Variants in OTOF observed in about 807,000 individuals in gnomAD.
OTOF encodes the protein fer-1-like family member 2.
Under a neutral mutation model 236.8 loss-of-function variants are expected in OTOF, and 218 were observed. The ratio of observed to expected loss-of-function variants is 0.92; its 90% CI spans 0.82 to 1.03. The LOEUF (loss-of-function observed/expected upper bound fraction) is 1.03. OTOF is among the 50% of genes least tolerant of loss of function. The probability of loss-of-function intolerance (pLI) is 0.00; values close to 1 mark genes in which losing one functional copy is unlikely to be tolerated. For synonymous variants in OTOF, 1,041 were observed against 1,072.5 expected (o/e 0.97, Z 0.57); for missense variants, 2,590 against 2,694.4 (o/e 0.96, Z 0.86).
At chr2:26,489,068 C>T (rs1478808465) in intron 11 of OTOF, 143 bp downstream of exon 11, 3 of 711,090 alleles carry the variant, frequency 4.2e-6, no homozygotes, top group African/African-American at 1.7e-5. Context: ...CTCCGCAGGC[C>T]AGATGGCTGT....
At chr2:26,475,612 C>T (rs1277852125) in intron 24 of OTOF, 119 bp from the exon 25 acceptor site, 1 of 1,151,176 alleles carries the variant, frequency 8.7e-7, no homozygotes, top group East Asian at 2.4e-5. Flanking sequence ...TGACAGGTGT[C>T]TTGATTCTTC....
intron 5 of OTOF, among the ~76,000 whole-genome samples, chr2:26,506,367 T>C (rs1208281397): frequency 1.3e-5 from 2 of 152,238 alleles, no homozygotes; most frequent in Non-Finnish European, 2.9e-5. Flanking sequence ...TAGTTAGCCT[T>C]TGCCATTGCA....
chr2:26,486,370 G>A (rs6734714), intron 11 of OTOF, among the ~76,000 whole-genome samples: 72,469 of 149,398 alleles, frequency 0.49, 18,155 homozygotes, highest in East Asian at 0.91. Flanking sequence ...ATATGGATTG[G>A]TGCGTGAATG....
chr2:26,539,651 C>T (rs1667163588), intron 1 of OTOF, among the ~76,000 whole-genome samples: 1 of 152,198 alleles, frequency 6.6e-6, no homozygotes, highest in African/African-American at 2.4e-5. Context: ...AGGAGAATCG[C>T]TTGAACCCAG....
At chr2:26,543,472 C>T (rs899017343) in intron 1 of OTOF, among the ~76,000 whole-genome samples, 10 of 152,144 alleles carry the variant, frequency 6.6e-5, no homozygotes, top group African/African-American at 2.4e-4. Flanking sequence ...TTTACAAGCA[C>T]GAGGGGGCAT....
chr2:26,503,997 T>A (rs891101741), intron 5 of OTOF, 152 bp from the exon 6 acceptor site: 1 of 708,804 alleles, frequency 1.4e-6, no homozygotes, highest in African/African-American at 1.7e-5. Context: ...TCGGGATCTG[T>A]CTTCCCAAAT....
At chr2:26,482,977 G>A (rs1168782601) in intron 13 of OTOF, among the ~76,000 whole-genome samples, 6 of 141,388 alleles carry the variant, frequency 4.2e-5, no homozygotes, top group East Asian at 4.8e-4. Flanking sequence ...GTGGGTATGC[G>A]TGCGTGTGTG....
In OTOF at chr2:26,474,429, C is replaced by G. The variant is rs1228604540; in HGVS notation, c.3288+84G>C. On this transcript the variant is annotated intron_variant, in intron 26 of 46. Coordinates refer to ENST00000272371, the MANE Select transcript of OTOF (RefSeq NM_194248.3). ...CCAGGCCCCAGACCCCAGGCCCCAG[C>G]CTTCAGGGTCCAGCCCCCAGCCCTA... 7 of 1,261,550 alleles carry G rather than the reference C, an allele frequency of 5.5e-6. No individual in the cohort carries two copies. In the Admixed American group the frequency reaches 1.0e-4, roughly 18 times the overall value. The allele number at this position is 1,261,550 out of a possible 1,614,324, so 78.1% of individuals were successfully genotyped here. A position where few individuals can be genotyped will look rare whatever the true frequency, so the allele number is the denominator to read the frequency against.
chr2:26,464,750 G>T, intron 39 of OTOF, 119 bp downstream of exon 39: 2 of 1,008,208 alleles, frequency 2.0e-6, no homozygotes, highest in Non-Finnish European at 1.4e-6. Context: ...ACTAAGACCA[G>T]GTTTAGGCTG....
Position 26,462,960 on chromosome 2 carries a change from C to A in OTOF, c.5192+523G>T, listed in dbSNP as rs1251762366. ...CCGGGTTCTTTTCACTCTACCACCT[C>A]CTGCCTCTTCCAGGCACTCACTCCT... On this transcript the variant is annotated intron_variant, in intron 41 of 46. Coordinates refer to ENST00000272371, the MANE Select transcript of OTOF (RefSeq NM_194248.3). The surrounding 1 kb of genome is among the most constrained non-coding windows in gnomAD (Gnocchi z 4.7). Among the ~76,000 whole-genome samples the A allele has an allele frequency of 6.6e-6, 1 of 152,180 alleles. No individual in the cohort carries two copies. Among genetic ancestry groups the A allele is most frequent in the African/African-American group, 2.4e-5 (1 of 41,438 alleles).
Position 26,484,628 on chromosome 2 carries a change from G to C in OTOF, c.1051C>G (p.Gln351Glu). The change falls in exon 12 of 47, where the codon CAG (glutamine) becomes GAG (glutamate). Residue 351 changes from glutamine (Q) to glutamate (E), a missense_variant. Gln to Glu is a conservative substitution (Grantham distance 29, BLOSUM62 2). Transcript: ENST00000272371. The part of the protein sequence containing the change: ...VGTVYSQPEH[Q>E]FHHKWAILSD... ...AGGATGGCCCACTTGTGATGGAACT[G>C]GTGCTCTGCAATGATGAGGGGTGGG... 6.2e-7 allele frequency: 1 copy of C among 1,613,768 alleles called. No homozygotes were observed. Among genetic ancestry groups the C allele is most frequent in the African/African-American group, 1.3e-5 (1 of 75,028 alleles).
chr2:26,508,604 A>G (rs1341505131), intron 5 of OTOF, among the ~76,000 whole-genome samples: 1 of 152,262 alleles, frequency 6.6e-6, no homozygotes, highest in African/African-American at 2.4e-5. Context: ...TCAAGCAAGC[A>G]GCATCATGGA....
chr2:26,460,072 G>A lies in OTOF; in HGVS notation c.5947C>T (p.Leu1983Phe). ...ACCAGGTAGCCAGGCACAGAGTAGA[G>A]GAACAGGGCGAGGAGGAGGAGCAGC... ...LLLLLLLALF[L>F]YSVPGYLVKK... Residue 1983 changes from leucine to phenylalanine, a missense_variant, in exon 46 of 47, where the codon CTC (leucine) becomes TTC (phenylalanine). Transcript: ENST00000272371. The surrounding 1 kb of genome is among the most constrained non-coding windows in gnomAD (Gnocchi z 5.3). 6.3e-7 allele frequency: 1 copy of A among 1,575,042 alleles called. No individual in the cohort carries two copies. Among genetic ancestry groups the A allele is most frequent in the Non-Finnish European group, 8.6e-7 (1 of 1,160,222 alleles).
rs141443396 is a variant in OTOF, at chr2:26,461,810, C to T, written c.5419G>A (p.Val1807Ile). 1.4e-4 allele frequency: 219 copies of T among 1,614,056 alleles called. No homozygotes were observed. Among genetic ancestry groups the T allele is most frequent in the Non-Finnish European group, 1.7e-4 (199 of 1,180,032 alleles). Residue 1807 changes from valine (V) to isoleucine (I), a missense_variant, in exon 43 of 47, where the codon GTC (valine) becomes ATC (isoleucine). Physicochemically the swap from Val to Ile is conservative, Grantham distance 29 (BLOSUM62 3). This residue lies in a region of OTOF where 1,211 missense variants were observed against 1,352.8 expected (regional missense o/e 0.90). Transcript: ENST00000272371. This position sits in a 1 kb window ranked among gnomAD's most constrained non-coding sequence, Gnocchi z 6.2. The stretch of plus-strand genomic sequence containing the variant: ...AACATGGACTCCTTCTTGGAGATGA[C>T]GATCTTCTCCTCCGCCGCCAGGTAG... ...FDYLAAEEKI[V>I]ISKKESMFSW...
intron 30 of OTOF, 53 bp from the exon 31 acceptor site, chr2:26,471,203 G>A (rs1664959893): frequency 6.3e-7 from 1 of 1,590,266 alleles, no homozygotes; most frequent in South Asian, 1.1e-5. Context: ...GGCCTGGAGT[G>A]GCAGGCAGTG....
chr2:26,472,596 A>T lies in OTOF; in HGVS notation c.3787T>A (p.Ser1263Thr). The T allele has an allele frequency of 6.2e-7, 1 of 1,613,134 alleles. No individual in the cohort carries two copies. The highest frequency in any genetic ancestry group is 1.3e-5 in the African/African-American group (1 of 75,026). ...ATAGTCACCACAACCTCCCCTGTGG[A>T]GTGAGAGGAGGAGCCCCCATTGCAC... is the stretch of plus-strand genomic sequence containing the variant. ...VLCNGGSSSH[S>T]TGEVVVTMEP... is the part of the protein sequence containing the mutation. Residue 1263 changes from serine to threonine, a missense_variant, in exon 30 of 47, where the codon TCC becomes ACC. Around this residue, in one of 2 missense-constraint regions of OTOF, gnomAD observed 1,211 missense variants for 1,352.8 expected, o/e 0.90. Coordinates refer to ENST00000272371, the MANE Select transcript of OTOF (RefSeq NM_194248.3).
rs545902319 is a variant in OTOF at position 26,499,747 on chromosome 2, G to A, written c.765+2007C>T. On this transcript the variant is annotated intron_variant, in intron 8 of 46. Coordinates refer to ENST00000272371, the MANE Select transcript of OTOF (RefSeq NM_194248.3). ...GCTGGTCTTGCAATCCACTCATCTC[G>A]GCCTCTGAAAGTGCTGGGATTACAG... Among the ~76,000 whole-genome samples the A allele has an allele frequency of 2.2e-4, 34 of 152,132 alleles. No homozygotes were observed. The South Asian group carries it at 5.0e-3, about 22-fold the overall frequency.
intron 1 of OTOF, among the ~76,000 whole-genome samples, chr2:26,541,094 A>G (rs1667203046): frequency 6.6e-6 from 1 of 152,206 alleles, no homozygotes; most frequent in South Asian, 2.1e-4. Context: ...AGAAGATTTT[A>G]ATAAGCCTCG....
intron 40 of OTOF, 115 bp downstream of exon 40, chr2:26,463,849 G>A (rs2148024172): frequency 7.0e-7 from 1 of 1,428,618 alleles, no homozygotes; most frequent in South Asian, 1.2e-5. Context: ...TGCCTGCCAG[G>A]CTTTCTGGAA....
Sources: allele counts gnomAD v4.1 joint callset (sites outside exome capture counted in the v4.1 genomes callset), GRCh38; gene constraint gnomAD v4.1.1; regional missense constraint gnomAD v4.1.1; non-coding constraint Gnocchi (gnomAD v3.1); transcripts MANE v1.5; gene names NCBI Gene and HGNC (gene_info 2026-07-23, HGNC 2026-07-21).